The following GABRR2 variants were observed in gnomAD, a reference collection of about 807,000 sequenced individuals.
GABRR2 encodes the protein gamma-aminobutyric acid receptor subunit rho-2.
GABRR2 carries 36 observed loss-of-function variants against 47.0 expected under a neutral mutation model. The ratio of observed to expected loss-of-function variants is 0.77; its 90% CI spans 0.59 to 1.01. The LOEUF (loss-of-function observed/expected upper bound fraction) is 1.01, where lower values mean the gene tolerates loss of function less well. GABRR2 is among the 50% of genes least tolerant of loss of function. The probability of loss-of-function intolerance (pLI) is 0.00; values close to 1 mark genes in which losing one functional copy is unlikely to be tolerated. For missense variants in GABRR2, 587 were observed against 594.6 expected (o/e 0.99, Z 0.13); for synonymous variants, 204 against 227.5 (o/e 0.90, Z 0.93).
intron 8 of GABRR2, among the ~76,000 whole-genome samples, chr6:89,262,154 C>T (rs937955602): frequency 6.6e-6 from 1 of 152,134 alleles, no homozygotes; most frequent in Non-Finnish European, 1.5e-5. Context: ...TTTTAGTAAC[C>T]TTCTCTTGAT....
intron 3 of GABRR2, chr6:89,270,292 T>A (rs1271878238): frequency 6.6e-6 from 1 of 152,264 alleles, no homozygotes; most frequent in East Asian, 1.9e-4. Flanking sequence ...ACCAGCTGTG[T>A]ATGGCTACCT....
chr6:89,301,801 A>G, intron 1 of GABRR2: 2 of 869,576 alleles, frequency 2.3e-6, no homozygotes, highest in South Asian at 1.3e-5. Context: ...GATCCTGCAC[A>G]TTCAGGCCGG....
At position 89,292,820 on chromosome 6, in the gene GABRR2, C is replaced by T. The variant is rs1268064285; in HGVS notation, c.220+6939G>A. ...CGTATATATCGTATATACGATATAT[C>T]GTATATATCGTATATACGATATATC... On this transcript the variant is annotated intron_variant, in intron 2 of 8. Transcript: ENST00000402938. Among the ~76,000 whole-genome samples the T allele has an allele frequency of 5.9e-4, 8 of 13,656 alleles. 2 individuals carry two copies. In the South Asian group the frequency reaches 0.016, roughly 28 times the overall value. 9.0% of individuals were successfully genotyped at this position (13,656 alleles called of 152,430 possible). A position where few individuals can be genotyped will look rare whatever the true frequency, so the allele number is the denominator to read the frequency against.
At chr6:89,312,352 C>A (rs1403044609) in intron 1 of GABRR2, among the ~76,000 whole-genome samples, 3 of 152,208 alleles carry the variant, frequency 2.0e-5, no homozygotes, top group African/African-American at 7.2e-5. Flanking sequence ...AGGGGCTGGT[C>A]TTTGTAAAAG....
chr6:89,265,164 TA>T (rs1773861765), intron 7 of GABRR2, among the ~76,000 whole-genome samples: 1 of 152,134 alleles, frequency 6.6e-6, no homozygotes, highest in Non-Finnish European at 1.5e-5. Flanking sequence ...TCAGGGTCTG[TA>T]AAAGGCTAAA....
At chr6:89,259,881 CTCTTTTT>C (rs1217852381) in intron 8 of GABRR2, among the ~76,000 whole-genome samples, 1 of 143,018 alleles carries the variant, frequency 7.0e-6, no homozygotes, top group African/African-American at 2.6e-5. Flanking sequence ...ATCTCTCTCT[CTCTTTTT>C]TTTTTTTTTT....
At chr6:89,262,390 A>G (rs1042862668) in intron 8 of GABRR2, among the ~76,000 whole-genome samples, 2 of 152,150 alleles carry the variant, frequency 1.3e-5, no homozygotes, top group Non-Finnish European at 2.9e-5. Context: ...TTGAATATGT[A>G]TATTTAGCCA....
At chr6:89,282,929 G>T (rs1443574961) in intron 2 of GABRR2, among the ~76,000 whole-genome samples, 1 of 152,208 alleles carries the variant, frequency 6.6e-6, no homozygotes, top group African/African-American at 2.4e-5. Context: ...CGTGGAACTG[G>T]TGACTACGGT....
At chr6:89,274,751 CA>C (rs1057125781) in intron 2 of GABRR2, among the ~76,000 whole-genome samples, 100 of 152,130 alleles carry the variant, frequency 6.6e-4, no homozygotes, top group Middle Eastern at 3.4e-3. Flanking sequence ...CCTGTAGTCC[CA>C]GCTGCTCAGG....
At chr6:89,305,236 T>A (rs1224641944) in intron 1 of GABRR2, among the ~76,000 whole-genome samples, 1 of 152,124 alleles carries the variant, frequency 6.6e-6, no homozygotes, top group Admixed American at 6.6e-5. Context: ...ATGTCTGTAA[T>A]CCCAGCTACA....
intron 2 of GABRR2, among the ~76,000 whole-genome samples, chr6:89,292,746 G>GTATCTCTGATATATATCAGA (rs1554198078): frequency 0.02 from 1,818 of 89,296 alleles, 400 homozygotes; most frequent in East Asian, 0.17. Flanking sequence ...ATATATAATC[G>GTATCTCTGATATATATCAGA]TATATATCGT....
rs575258864 is a variant in GABRR2 at position 89,296,446 on chromosome 6, T to A, written c.220+3313A>T. On this transcript the variant is annotated intron_variant, in intron 2 of 8. Coordinates refer to ENST00000402938, the MANE Select transcript of GABRR2 (RefSeq NM_002043.5). The stretch of plus-strand genomic sequence containing the variant: ...GCATCCAGGAAAGCCCTGCAGGAGA[T>A]TACAGGTGCCCAGAGGACCAACTGC... Among the ~76,000 whole-genome samples, 3 of 152,292 alleles carry A rather than the reference T, an allele frequency of 2.0e-5. 1 individual carries two copies. The South Asian group carries it at 6.2e-4, about 32-fold the overall frequency.
chr6:89,288,792 C>A (rs1170780406), intron 2 of GABRR2, among the ~76,000 whole-genome samples: 2 of 152,120 alleles, frequency 1.3e-5, no homozygotes, highest in African/African-American at 4.8e-5. Flanking sequence ...CAGGTGTGCA[C>A]CACCAAGCTC....
chr6:89,272,558 G>C lies in GABRR2; in HGVS notation c.221-836C>G, dbSNP rs189189849. 2.8e-3 allele frequency among the ~76,000 whole-genome samples: 424 copies of C among 152,148 alleles called. 2 individuals carry two copies. Among genetic ancestry groups the C allele is most frequent in the South Asian group, 5.2e-3 (25 of 4,822 alleles). ...TTTAATTTTTTTTAAACTTAGAAAG[G>C]GAAAAACCAGCAACCTGCATCTATC... On this transcript the variant is annotated intron_variant, in intron 2 of 8. Transcript: ENST00000402938.
intron 1 of GABRR2, chr6:89,302,454 C>G (rs1309291172): frequency 1.8e-5 from 11 of 601,520 alleles, no homozygotes; most frequent in Admixed American, 1.5e-4. Context: ...ACCTCAGCCA[C>G]CTGACATTGG....
chr6:89,277,884 C>A (rs1774194542), intron 2 of GABRR2, among the ~76,000 whole-genome samples: 1 of 142,966 alleles, frequency 7.0e-6, no homozygotes. Flanking sequence ...GGGGTGGGGG[C>A]TGCAAATTGG....
chr6:89,262,078 A>G (rs986964693), intron 8 of GABRR2, among the ~76,000 whole-genome samples: 1 of 151,956 alleles, frequency 6.6e-6, no homozygotes, highest in Non-Finnish European at 1.5e-5. Context: ...GACACTGACT[A>G]ACCAACCAAC....
chr6:89,292,846 GTATATATCATATAT>G (rs1190116059), intron 2 of GABRR2, among the ~76,000 whole-genome samples: 1 of 134,080 alleles, frequency 7.5e-6, no homozygotes, highest in Non-Finnish European at 1.6e-5. Context: ...ACGATATATC[GTATATATCATATAT>G]TATATATCTA....
chr6:89,314,734 G>C (rs1010271659), intron 1 of GABRR2, among the ~76,000 whole-genome samples: 2 of 152,136 alleles, frequency 1.3e-5, no homozygotes, highest in Non-Finnish European at 2.9e-5. Context: ...GAGAAACAAA[G>C]CAGCACAATG....
Sources: gnomAD v4.1 joint callset for allele counts (sites outside exome capture counted in the v4.1 genomes callset) on GRCh38, gnomAD v4.1.1 for gene constraint, MANE v1.5 for transcripts, NCBI Gene and HGNC (gene_info 2026-07-23, HGNC 2026-07-21) for gene names.